MID1: variants seen among roughly 807,000 people sequenced by gnomAD.
MID1 encodes the protein midline 1.
A neutral mutation model predicts 40.4 loss-of-function variants in MID1; 7 were observed. The observed-to-expected ratio is 0.17, with a 90% CI of 0.10 to 0.33. The LOEUF is 0.33. Among genes scored for constraint, MID1 ranks in the 10% least tolerant of loss-of-function variants. MID1 has a pLI of 1.00. For missense variants in MID1, 367 were observed against 558.5 expected (o/e 0.66, Z 3.46); for synonymous variants, 229 against 221.2 (o/e 1.04, Z -0.31).
intron 1 of MID1, among the ~76,000 whole-genome samples, chrX:10,643,059 C>T (rs1223354757): frequency 1.8e-5 from 2 of 111,733 alleles, no homozygotes; most frequent in African/African-American, 3.3e-5. Context: ...ACCATAAAAA[C>T]CCTAGAAGAA....
intron 1 of MID1, among the ~76,000 whole-genome samples, chrX:10,815,778 C>A (rs905537719): frequency 8.9e-6 from 1 of 112,388 alleles, no homozygotes; most frequent in Non-Finnish European, 1.9e-5. Flanking sequence ...TTTCCTGACA[C>A]GTTTTCTAAA....
At chrX:10,479,361 T>A (rs1055353033) in intron 5 of MID1, among the ~76,000 whole-genome samples, 1 of 111,484 alleles carries the variant, frequency 9.0e-6, no homozygotes, top group Non-Finnish European at 1.9e-5. Context: ...GTTACATTTT[T>A]AAGTTTTTTT....
intron 1 of MID1, among the ~76,000 whole-genome samples, chrX:10,643,819 G>A (rs1212523976): frequency 1.8e-5 from 2 of 111,696 alleles, no homozygotes; most frequent in African/African-American, 6.5e-5. Flanking sequence ...GGAATACTAT[G>A]CAGCCATAAA....
rs189340498 is a variant in MID1 at position 10,763,460 on chromosome X, C to A, written c.-187+70094G>T. Among the ~76,000 whole-genome samples the A allele has an allele frequency of 4.5e-5, 5 of 110,679 alleles. No homozygotes were observed. In the East Asian group the frequency reaches 1.4e-3, roughly 31 times the overall value. On this transcript the variant is annotated intron_variant, in intron 1 of 10. Coordinates refer to the MID1 transcript ENST00000380785. ...GATAGTTTGCTCAGAATGATGGTCT[C>A]CAGCTTCATCCATGTCCCTACAAAG...
Position 10,482,607 on chromosome X carries a change from C to T in MID1, c.886G>A (p.Ala296Thr). 8.3e-7 allele frequency: 1 copy of T among 1,210,368 alleles called. No individual in the cohort carries two copies. Among genetic ancestry groups the T allele is most frequent in the East Asian group, 3.0e-5 (1 of 33,826 alleles). The change falls in exon 5 of 10, where the codon GCT becomes ACT. Residue 296 changes from alanine to threonine, a missense_variant. Ala to Thr is a moderately conservative substitution (Grantham distance 58, BLOSUM62 0). Coordinates refer to ENST00000317552, the MANE Select transcript of MID1 (RefSeq NM_000381.4). Reference protein sequence around the residue: ...EGKVMRLRKLAQQIANCKQCI... With the variant: ...EGKVMRLRKLTQQIANCKQCI... ...TGTTTGCAGTTTGCAATCTGCTGAG[C>T]CAGTTTGCGAAGCCTCATCACCTTG...
At chrX:10,583,465 C>A (rs1935064826) in intron 1 of MID1, among the ~76,000 whole-genome samples, 1 of 111,782 alleles carries the variant, frequency 8.9e-6, no homozygotes, top group African/African-American at 3.3e-5. Flanking sequence ...GGGTTGTGAT[C>A]TAATTTTTCA....
intron 3 of MID1, among the ~76,000 whole-genome samples, chrX:10,509,742 T>C (rs1308017556): frequency 8.9e-6 from 1 of 112,173 alleles, no homozygotes; most frequent in African/African-American, 3.2e-5. Context: ...TTTCTGCCCT[T>C]CAAGGTGTGA....
At chrX:10,501,411 T>C in intron 3 of MID1, 1 of 1,155,188 alleles carries the variant, frequency 8.7e-7, no homozygotes, top group Non-Finnish European at 1.1e-6. Flanking sequence ...ACATACCTTC[T>C]CTACATCTAG....
At chrX:10,516,396 G>A (rs1451871314) in intron 3 of MID1, among the ~76,000 whole-genome samples, 2 of 108,555 alleles carry the variant, frequency 1.8e-5, no homozygotes, top group African/African-American at 3.4e-5. Context: ...GGGTTTCACC[G>A]TGTTAGCCAG....
intron 1 of MID1, among the ~76,000 whole-genome samples, chrX:10,584,942 T>A (rs1316936575): frequency 9.0e-6 from 1 of 110,791 alleles, no homozygotes; most frequent in Admixed American, 9.6e-5. Flanking sequence ...CTCATAACTC[T>A]AAGGTGGGGG....
At chrX:10,685,718 A>G (rs890254531) in intron 1 of MID1, among the ~76,000 whole-genome samples, 1 of 111,338 alleles carries the variant, frequency 9.0e-6, no homozygotes, top group Non-Finnish European at 1.9e-5. Context: ...ATAAAAATGG[A>G]TAATTTCCCC....
chrX:10,678,340 C>T (rs2043036752), intron 1 of MID1, among the ~76,000 whole-genome samples: 1 of 111,541 alleles, frequency 9.0e-6, no homozygotes, highest in South Asian at 3.8e-4. Flanking sequence ...TACCTGCCAC[C>T]GGTCTTAACA....
chrX:10,662,433 A>T (rs1231779434), intron 1 of MID1, among the ~76,000 whole-genome samples: 1 of 110,645 alleles, frequency 9.0e-6, no homozygotes, highest in East Asian at 2.8e-4. Context: ...GCTGAGATTT[A>T]AAAAAGTAAT....
chrX:10,676,114 G>A (rs776041320), intron 1 of MID1, among the ~76,000 whole-genome samples: 4 of 111,730 alleles, frequency 3.6e-5, no homozygotes, highest in African/African-American at 1.3e-4. Flanking sequence ...ATTTCCAGAA[G>A]GACCGGGTTT....
At chrX:10,634,939 C>A (rs1936093400) in intron 1 of MID1, among the ~76,000 whole-genome samples, 1 of 112,861 alleles carries the variant, frequency 8.9e-6, no homozygotes, top group African/African-American at 3.2e-5. Context: ...GTTGCTAATG[C>A]ATCCCGCGAA....
chrX:10,788,817 T>G (rs2043905937), intron 1 of MID1, among the ~76,000 whole-genome samples: 1 of 111,913 alleles, frequency 8.9e-6, no homozygotes, highest in African/African-American at 3.2e-5. Context: ...GCTAAGGATA[T>G]CATCCTTTCC....
rs766876121 is a variant in MID1 at position 10,609,097 on chromosome X, G to A, written c.-57+11193C>T. Among the ~76,000 whole-genome samples, 14 of 111,446 alleles carry A rather than the reference G, an allele frequency of 1.3e-4. No homozygotes were observed. The South Asian group carries it at 5.2e-3, about 42-fold the overall frequency. On this transcript the variant is annotated intron_variant, in intron 1 of 9. Coordinates refer to ENST00000317552, the MANE Select transcript of MID1 (RefSeq NM_000381.4). Reference sequence around the variant, plus strand: ...TTTGTCCGAAAAGGGTACATTTTTAGCAACAAATTAGTTTTCTTACATTAC... The same window carrying A: ...TTTGTCCGAAAAGGGTACATTTTTAACAACAAATTAGTTTTCTTACATTAC...
intron 6 of MID1, among the ~76,000 whole-genome samples, chrX:10,472,244 G>T (rs753050458): frequency 5.8e-4 from 65 of 112,425 alleles, no homozygotes; most frequent in Middle Eastern, 9.2e-3. Context: ...TTATGGTCAG[G>T]ATCGATGTTA....
chrX:10,455,248 C>T (rs1317714536), intron 8 of MID1, among the ~76,000 whole-genome samples, 171 bp from the exon 9 acceptor site: 2 of 112,330 alleles, frequency 1.8e-5, no homozygotes, highest in Admixed American at 1.9e-4. Flanking sequence ...GTAATTTAAA[C>T]ATTATAAGCA....
Sources: allele counts gnomAD v4.1 joint callset (sites outside exome capture counted in the v4.1 genomes callset), GRCh38; gene constraint gnomAD v4.1.1; transcripts MANE v1.5; gene names NCBI Gene and HGNC (gene_info 2026-07-23, HGNC 2026-07-21).